Variants in ANKS1B observed in about 807,000 individuals in gnomAD.
ANKS1B encodes ankyrin repeat and sterile alpha motif domain-containing protein 1B.
A neutral mutation model predicts 148.3 loss-of-function variants in ANKS1B; 36 were observed. The ratio of observed to expected loss-of-function variants is 0.24; its 90% CI spans 0.19 to 0.32. The LOEUF (loss-of-function observed/expected upper bound fraction) is 0.32, where lower values mean the gene tolerates loss of function less well. ANKS1B is among the 10% of genes least tolerant of loss of function. The pLI is 1.00. For missense variants in ANKS1B, 1,157 were observed against 1,542.6 expected (o/e 0.75, Z 4.19); for synonymous variants, 542 against 560.8 (o/e 0.97, Z 0.47).
chr12:99,306,787 C>G (rs1024186004), intron 12 of ANKS1B, among the ~76,000 whole-genome samples: 1 of 151,974 alleles, frequency 6.6e-6, no homozygotes, highest in Non-Finnish European at 1.5e-5. Flanking sequence ...TTTCACATAT[C>G]TAGTGTTCAT....
chr12:99,672,745 C>T (rs2098544070), intron 8 of ANKS1B, among the ~76,000 whole-genome samples: 1 of 152,116 alleles, frequency 6.6e-6, no homozygotes, highest in African/African-American at 2.4e-5. Flanking sequence ...ATACTCTCCC[C>T]CAGCCATAGA....
At chr12:98,734,935 T>G (rs967976364) in exon 10 of ANKS1B, 1 of 356,998 alleles carries the variant, frequency 2.8e-6, no homozygotes, top group African/African-American at 2.1e-5. Context: ...TAAAAAGCCT[T>G]GAATGGCCCT....
At chr12:99,403,462 T>C (rs2094460715) in intron 11 of ANKS1B, among the ~76,000 whole-genome samples, 1 of 136,220 alleles carries the variant, frequency 7.3e-6, no homozygotes, top group Admixed American at 7.1e-5. Context: ...CAGCCCCCAA[T>C]GCCCACTTTT....
chr12:99,570,023 C>G (rs2097435577), intron 9 of ANKS1B, among the ~76,000 whole-genome samples: 1 of 152,152 alleles, frequency 6.6e-6, no homozygotes, highest in Non-Finnish European at 1.5e-5. Context: ...AACCACTCCC[C>G]ACAAGGGCCC....
chr12:99,641,953 T>A (rs373301157), intron 9 of ANKS1B, among the ~76,000 whole-genome samples: 1 of 152,194 alleles, frequency 6.6e-6, no homozygotes, highest in Non-Finnish European at 1.5e-5. Flanking sequence ...ATAGGGACTA[T>A]GGGAAAGTAT....
rs578014814 is a variant in ANKS1B at position 99,982,758 on chromosome 12, AT to A, written c.134+1345del. Among the ~76,000 whole-genome samples, 9 of 152,336 alleles carry A rather than the reference AT, an allele frequency of 5.9e-5. No homozygotes were observed. The South Asian group carries it at 1.9e-3, about 32-fold the overall frequency. ...GTCATCTCTATGACCTATTGAAAAAATGTCCCATAAATATTCATTCTTCTGA... is the reference window on the plus strand; with the variant it reads ...GTCATCTCTATGACCTATTGAAAAAAGTCCCATAAATATTCATTCTTCTGA... On this transcript the variant is annotated intron_variant, in intron 1 of 26. Transcript: ENST00000683438.
chr12:99,478,056 C>G (rs2152926048), intron 10 of ANKS1B, among the ~76,000 whole-genome samples: 1 of 152,248 alleles, frequency 6.6e-6, no homozygotes, highest in Non-Finnish European at 1.5e-5. Context: ...TACAGTGACA[C>G]CAACTGACTT....
chr12:99,089,698 CA>C (rs1295013977), intron 15 of ANKS1B, among the ~76,000 whole-genome samples: 2 of 152,164 alleles, frequency 1.3e-5, no homozygotes, highest in African/African-American at 4.8e-5. Context: ...GGATCTTTAG[CA>C]AATTCTCTTT....
chr12:98,983,925 C>G (rs1475224416), intron 17 of ANKS1B, among the ~76,000 whole-genome samples: 1 of 152,194 alleles, frequency 6.6e-6, no homozygotes, highest in African/African-American at 2.4e-5. Flanking sequence ...ATAGTTTTAT[C>G]TCCCTGCTTC....
intron 7 of ANKS1B, among the ~76,000 whole-genome samples, chr12:99,774,965 G>A (rs913026121): frequency 6.6e-6 from 1 of 152,062 alleles, no homozygotes; most frequent in South Asian, 2.1e-4. Flanking sequence ...ATAAAACAGA[G>A]AGTAGAATGG....
intron 4 of ANKS1B, among the ~76,000 whole-genome samples, chr12:99,791,710 C>A (rs985883286): frequency 6.6e-6 from 1 of 151,602 alleles, no homozygotes; most frequent in Non-Finnish European, 1.5e-5. Context: ...GAAATAAGTT[C>A]ATGGAAACAC....
chr12:99,806,195 G>T (rs1344737329), intron 4 of ANKS1B, among the ~76,000 whole-genome samples: 1 of 152,152 alleles, frequency 6.6e-6, no homozygotes, highest in Non-Finnish European at 1.5e-5. Flanking sequence ...CATGTGTATA[G>T]CCCTCAAATT....
intron 1 of ANKS1B, among the ~76,000 whole-genome samples, chr12:99,928,278 T>A (rs867759002): frequency 4.0e-5 from 6 of 148,194 alleles, no homozygotes; most frequent in African/African-American, 1.2e-4. Context: ...TTTATTTTTT[T>A]TTTTTTTTTT....
At chr12:99,155,839 C>T (rs1220138953) in intron 14 of ANKS1B, among the ~76,000 whole-genome samples, 1 of 152,106 alleles carries the variant, frequency 6.6e-6, no homozygotes, top group Non-Finnish European at 1.5e-5. Flanking sequence ...TGTAACAGAG[C>T]TCTTACTACT....
chr12:99,608,964 G>A (rs1053767890), intron 9 of ANKS1B, among the ~76,000 whole-genome samples: 2 of 151,940 alleles, frequency 1.3e-5, no homozygotes, highest in Admixed American at 6.6e-5. Flanking sequence ...GGAAAGAAGA[G>A]GTTTAGAGGA....
chr12:99,847,971 T>C (rs1029267669), intron 1 of ANKS1B, among the ~76,000 whole-genome samples: 15 of 151,922 alleles, frequency 9.9e-5, no homozygotes, highest in African/African-American at 3.4e-4. Context: ...TTGTTCCTGG[T>C]GAAAAAGAAC....
intron 15 of ANKS1B, among the ~76,000 whole-genome samples, chr12:99,123,013 T>TATATATATATATATATATATAA (rs1406812994): frequency 3.4e-5 from 5 of 145,692 alleles, no homozygotes; most frequent in Admixed American, 1.4e-4. Context: ...TATATATATA[T>TATATATATATATATATATATAA]AAACATGTAT....
chr12:98,773,558 A>T (rs746494234), intron 24 of ANKS1B, among the ~76,000 whole-genome samples: 1 of 152,014 alleles, frequency 6.6e-6, no homozygotes, highest in Admixed American at 6.6e-5. Flanking sequence ...AGGTTCAAGC[A>T]ATTCTCCTGC....
chr12:99,298,540 A>G (rs1049868350), intron 12 of ANKS1B, among the ~76,000 whole-genome samples: 2 of 152,212 alleles, frequency 1.3e-5, no homozygotes, highest in Admixed American at 1.3e-4. Context: ...AGTCTTGGGT[A>G]TGTCTTTATT....
Sources: gnomAD v4.1 joint callset for allele counts (sites outside exome capture counted in the v4.1 genomes callset) on GRCh38, gnomAD v4.1.1 for gene constraint, MANE v1.5 for transcripts, NCBI Gene and HGNC (gene_info 2026-07-23, HGNC 2026-07-21) for gene names.